The following ADGRL2 variants were observed in gnomAD, a reference collection of about 807,000 sequenced individuals.
ADGRL2 encodes adhesion G protein-coupled receptor L2.
Under a neutral mutation model 157.4 loss-of-function variants are expected in ADGRL2, and 44 were observed. That is an observed-to-expected ratio of 0.28 (90% confidence interval 0.22 to 0.36). The LOEUF (loss-of-function observed/expected upper bound fraction) is 0.36. Among genes scored for constraint, ADGRL2 ranks in the 10% least tolerant of loss-of-function variants. ADGRL2 has a pLI of 1.00. For synonymous variants in ADGRL2, 585 were observed against 624.7 expected (o/e 0.94, Z 0.95); for missense variants, 1,510 against 1,768.9 (o/e 0.85, Z 2.63).
At chr1:81,777,623 T>G (rs11163363) in intron 2 of ADGRL2, among the ~76,000 whole-genome samples, 6,668 of 152,130 alleles carry the variant, frequency 0.044, 162 homozygotes, top group East Asian at 0.062. Context: ...ATTAGCCCGG[T>G]GTCATGGCAC....
rs367932426 is a variant in ADGRL2 at position 81,950,246 on chromosome 1, C to T, written c.1268C>T (p.Ser423Leu). The T allele has an allele frequency of 3.1e-5, 50 of 1,614,036 alleles. No homozygotes were observed. In the African/African-American group the frequency reaches 3.7e-4, roughly 12 times the overall value. The change falls in exon 7 of 24, where the codon TCA becomes TTA. Residue 423 changes from serine (S) to leucine (L), a missense_variant. Transcript: ENST00000686636. The stretch of plus-strand genomic sequence containing the variant: ...GCTGAGCTGTTCAAAACCATAATAT[C>T]AACCACAAGCACTACTTCACAGAAA... ...SSAELFKTIISTTSTTSQKGP... is the reference protein window; with the variant it reads ...SSAELFKTIILTTSTTSQKGP...
At chr1:81,805,011 A>G (rs1031972168) in intron 1 of ADGRL2, among the ~76,000 whole-genome samples, 49 of 152,310 alleles carry the variant, frequency 3.2e-4, no homozygotes, top group African/African-American at 1.1e-3. Flanking sequence ...GTTTTTTTTA[A>G]GTGAAGATTC....
At chr1:81,590,309 T>A (rs2081106787) in intron 3 of ADGRL2, among the ~76,000 whole-genome samples, 1 of 152,174 alleles carries the variant, frequency 6.6e-6, no homozygotes, top group Non-Finnish European at 1.5e-5. Context: ...TGATTATGTG[T>A]ATGAACCAAT....
At chr1:81,727,172 G>A (rs1276157711) in intron 1 of ADGRL2, among the ~76,000 whole-genome samples, 2 of 152,046 alleles carry the variant, frequency 1.3e-5, no homozygotes, top group Non-Finnish European at 2.9e-5. Context: ...CCCTCATTGA[G>A]CTTCTAATTC....
At chr1:81,599,505 TA>T (rs2081297160) in intron 3 of ADGRL2, among the ~76,000 whole-genome samples, 1 of 152,174 alleles carries the variant, frequency 6.6e-6, no homozygotes, top group Non-Finnish European at 1.5e-5. Flanking sequence ...AAGGAGTGTG[TA>T]GATGTTGTCT....
intron 2 of ADGRL2, among the ~76,000 whole-genome samples, chr1:81,475,661 A>G (rs1429708127): frequency 6.6e-6 from 1 of 152,160 alleles, no homozygotes; most frequent in Non-Finnish European, 1.5e-5. Flanking sequence ...CTCATACTAA[A>G]AGGATTATTT....
chr1:81,989,357 C>A (rs1664090475), intron 23 of ADGRL2, among the ~76,000 whole-genome samples: 1 of 152,088 alleles, frequency 6.6e-6, no homozygotes, highest in Non-Finnish European at 1.5e-5. Context: ...CCTCCATGGC[C>A]ATGGTGTCTG....
chr1:81,463,947 A>C lies in ADGRL2; in HGVS notation c.-248+18858A>C, dbSNP rs114829029. On this transcript the variant is annotated intron_variant, in intron 2 of 24. Coordinates refer to the ADGRL2 transcript ENST00000370721. ...TTCGTCCTGATAATACGGAAGGAAA[A>C]AAGTTTCCTTCCTACTTCCTCTCTT... is the stretch of plus-strand genomic sequence containing the variant. Among the ~76,000 whole-genome samples, 1,483 of 152,252 alleles carry C rather than the reference A, an allele frequency of 9.7e-3. 26 individuals carry two copies. Among genetic ancestry groups the C allele is most frequent in the African/African-American group, 0.032 (1,324 of 41,546 alleles).
intron 1 of ADGRL2, among the ~76,000 whole-genome samples, chr1:81,343,092 C>CTTTTTTTTTTTTTTTTTTTCTTTTTTT (rs544677891): frequency 7.6e-6 from 1 of 131,150 alleles, no homozygotes. Flanking sequence ...TTTTTCTTTT[C>CTTTTTTTTTTTTTTTTTTTCTTTTTTT]TTTTTTTTTT....
At chr1:81,601,289 A>AT (rs2081329292) in intron 3 of ADGRL2, among the ~76,000 whole-genome samples, 1 of 151,982 alleles carries the variant, frequency 6.6e-6, no homozygotes, top group Non-Finnish European at 1.5e-5. Flanking sequence ...GAGTCTTTTA[A>AT]TTTGTTTGTG....
intron 3 of ADGRL2, among the ~76,000 whole-genome samples, chr1:81,634,094 A>G (rs2148769439): frequency 6.6e-6 from 1 of 152,312 alleles, no homozygotes; most frequent in African/African-American, 2.4e-5. Context: ...CCAGAGAGAT[A>G]GTAGAAGAAT....
chr1:81,418,881 C>T lies in ADGRL2; in HGVS notation c.-301-26155C>T, dbSNP rs182658151. The stretch of plus-strand genomic sequence containing the variant: ...AATCCATGTTAAAATAGAATCTATA[C>T]TTTGATCATTCCTTTTAAAATGAAA... On this transcript the variant is annotated intron_variant, in intron 1 of 24. Transcript: ENST00000370721. Among the ~76,000 whole-genome samples the T allele has an allele frequency of 4.3e-3, 660 of 152,272 alleles. 3 individuals are homozygous for T. Among genetic ancestry groups the T allele is most frequent in the African/African-American group, 0.015 (637 of 41,552 alleles).
intron 2 of ADGRL2, among the ~76,000 whole-genome samples, chr1:81,855,463 T>C (rs1440785015): frequency 6.6e-6 from 1 of 152,006 alleles, no homozygotes; most frequent in Non-Finnish European, 1.5e-5. Flanking sequence ...AAAACAAAAC[T>C]AAACAAAATC....
At chr1:81,589,162 G>A (rs2081083898) in intron 3 of ADGRL2, among the ~76,000 whole-genome samples, 1 of 152,176 alleles carries the variant, frequency 6.6e-6, no homozygotes. Context: ...AGCTGGTGCT[G>A]TAACTGGGCT....
chr1:81,850,302 C>G (rs1052068927), intron 2 of ADGRL2, among the ~76,000 whole-genome samples: 1 of 150,504 alleles, frequency 6.6e-6, no homozygotes, highest in Non-Finnish European at 1.5e-5. Flanking sequence ...GCTTTAAGTT[C>G]TCTTCGTTGT....
At chr1:81,440,515 TA>T (rs2077489009) in intron 1 of ADGRL2, among the ~76,000 whole-genome samples, 1 of 152,200 alleles carries the variant, frequency 6.6e-6, no homozygotes, top group Non-Finnish European at 1.5e-5. Flanking sequence ...TTACCTTTGG[TA>T]AATTTAGACA....
chr1:81,344,098 C>T (rs1662287219), intron 1 of ADGRL2, among the ~76,000 whole-genome samples: 1 of 152,106 alleles, frequency 6.6e-6, no homozygotes, highest in African/African-American at 2.4e-5. Context: ...GAGACAGAGT[C>T]TCCCTCTGTT....
chr1:81,978,165 G>C (rs1051581450), intron 17 of ADGRL2, among the ~76,000 whole-genome samples: 1 of 151,328 alleles, frequency 6.6e-6, no homozygotes, highest in Admixed American at 6.6e-5. Context: ...AATCAGATAT[G>C]TACTATACTA....
Position 81,951,093 on chromosome 1 carries a change from C to T in ADGRL2, c.1580C>T (p.Ser527Leu). ...GGCCCCGATCTTAGCAACTGTACCT[C>T]ACACTGGGTGAATCAGCTGGCTCAG... ...PKGPDLSNCT[S>L]HWVNQLAQKI... Residue 527 changes from serine (S) to leucine (L), a missense_variant, in exon 8 of 24, where the codon TCA (serine) becomes TTA (leucine). This residue lies in a region of ADGRL2 where 325 missense variants were observed against 333.2 expected (regional missense o/e 0.98). Coordinates refer to ENST00000686636, the MANE Select transcript of ADGRL2 (RefSeq NM_001366006.2). 1 of 1,613,292 alleles carries T rather than the reference C, an allele frequency of 6.2e-7. No individual in the cohort carries two copies.
Sources: allele counts gnomAD v4.1 joint callset (sites outside exome capture counted in the v4.1 genomes callset), GRCh38; gene constraint gnomAD v4.1.1; regional missense constraint gnomAD v4.1.1; transcripts MANE v1.5; gene names NCBI Gene and HGNC (gene_info 2026-07-23, HGNC 2026-07-21).